PARN: variants seen among roughly 807,000 people sequenced by gnomAD.
PARN encodes the protein poly(A)-specific ribonuclease PARN.
PARN carries 71 observed loss-of-function variants against 102.8 expected under a neutral mutation model. That is an observed-to-expected ratio of 0.69 (90% confidence interval 0.57 to 0.84). The LOEUF is 0.84. PARN is among the 40% of genes least tolerant of loss of function. The pLI is 0.00. For synonymous variants in PARN, 261 were observed against 252.9 expected (o/e 1.03, Z -0.30); for missense variants, 782 against 760.9 (o/e 1.03, Z -0.33).
At chr16:14,596,660 C>A (rs1007748696) in intron 12 of PARN, among the ~76,000 whole-genome samples, 1 of 151,938 alleles carries the variant, frequency 6.6e-6, no homozygotes, top group African/African-American at 2.4e-5. Context: ...GAGGGAGGAT[C>A]GCTTGAGCCC....
chr16:14,538,487 C>T (rs1249892078), intron 21 of PARN, among the ~76,000 whole-genome samples: 1 of 152,146 alleles, frequency 6.6e-6, no homozygotes, highest in Non-Finnish European at 1.5e-5. Context: ...TCCCAAAGTG[C>T]TGGGATTACA....
chr16:14,589,356 G>A (rs1426715675), intron 13 of PARN, among the ~76,000 whole-genome samples: 1 of 151,676 alleles, frequency 6.6e-6, no homozygotes, highest in Non-Finnish European at 1.5e-5. Flanking sequence ...TTGAACGCAG[G>A]AGTTCGAGAG....
intron 22 of PARN, among the ~76,000 whole-genome samples, chr16:14,477,439 CAA>C (rs796238081): frequency 3.9e-5 from 4 of 102,620 alleles, no homozygotes; most frequent in Admixed American, 1.1e-4. Flanking sequence ...GAGTTCGTCT[CAA>C]AAAAAAAAAA....
At chr16:14,488,980 T>C (rs1963896997) in intron 21 of PARN, among the ~76,000 whole-genome samples, 1 of 152,086 alleles carries the variant, frequency 6.6e-6, no homozygotes, top group African/African-American at 2.4e-5. Context: ...AAATGGAATA[T>C]TGTCTAAGAG....
chr16:14,436,442 C>A lies in PARN; in HGVS notation c.*275G>T, dbSNP rs1391849054. 2 of 501,590 alleles carry A rather than the reference C, an allele frequency of 4.0e-6. No homozygotes were observed. The highest frequency in any genetic ancestry group is 7.1e-6 in the Non-Finnish European group (2 of 282,338). 31.1% of individuals were successfully genotyped at this position (501,590 alleles called of 1,614,324 possible). On this transcript the variant is annotated 3_prime_UTR_variant, in exon 24 of 24. Coordinates refer to ENST00000437198, the MANE Select transcript of PARN (RefSeq NM_002582.4). Reference sequence around the variant, plus strand: ...CTGGGTCATGACAGGAAAGGCCTCACAAGAGCAACACGGAATTCACTGGTT... The same window carrying A: ...CTGGGTCATGACAGGAAAGGCCTCAAAAGAGCAACACGGAATTCACTGGTT...
chr16:14,519,003 A>T (rs1421203505), intron 21 of PARN, among the ~76,000 whole-genome samples: 1 of 152,006 alleles, frequency 6.6e-6, no homozygotes, highest in Non-Finnish European at 1.5e-5. Context: ...TCGATTATTA[A>T]ATCGGTGGCG....
Position 14,555,647 on chromosome 16 carries a change from T to C in PARN, c.1318+7A>G. 7.6e-7 allele frequency: 1 copy of C among 1,323,292 alleles called. No individual in the cohort carries two copies. 82.0% of individuals were successfully genotyped at this position (1,323,292 alleles called of 1,614,324 possible). On this transcript the variant is annotated splice_region_variant and intron_variant, in intron 19 of 23. Transcript: ENST00000437198. Reference sequence around the variant, plus strand: ...CAGATGCAATAAGAAAATAAAAATTTACTTACAGTCTGGTCCTTCCAAGTT... The same window carrying C: ...CAGATGCAATAAGAAAATAAAAATTCACTTACAGTCTGGTCCTTCCAAGTT...
intron 18 of PARN, among the ~76,000 whole-genome samples, chr16:14,566,971 T>C (rs1314959708): frequency 6.6e-6 from 1 of 152,222 alleles, no homozygotes. Flanking sequence ...GTCCCTTCCC[T>C]GAAGTAGCAC....
At chr16:14,528,397 C>T (rs189622657) in intron 21 of PARN, among the ~76,000 whole-genome samples, 22 of 152,308 alleles carry the variant, frequency 1.4e-4, no homozygotes, top group Admixed American at 1.2e-3. Flanking sequence ...ATTCTGGCAG[C>T]AGGTTTTGTC....
At position 14,612,559 on chromosome 16, in the gene PARN, G is replaced by A. The variant is rs542211171; in HGVS notation, c.389-1750C>T. ...AAAAATAGGTATCGGGGTCCAAGGA[G>A]TGAAAATCAAAAGCTACCTTTTGGA... On this transcript the variant is annotated intron_variant, in intron 6 of 23. Coordinates refer to ENST00000437198, the MANE Select transcript of PARN (RefSeq NM_002582.4). 3.9e-5 allele frequency among the ~76,000 whole-genome samples: 6 copies of A among 152,298 alleles called. No homozygotes were observed. The East Asian group carries it at 9.7e-4, about 25-fold the overall frequency.
intron 2 of PARN, among the ~76,000 whole-genome samples, chr16:14,628,671 G>C (rs1418464519): frequency 6.6e-6 from 1 of 152,172 alleles, no homozygotes; most frequent in Non-Finnish European, 1.5e-5. Flanking sequence ...GTATCTTCAA[G>C]ATTAAGAGAA....
At chr16:14,579,090 G>A (rs763151699) in intron 18 of PARN, among the ~76,000 whole-genome samples, 11 of 151,822 alleles carry the variant, frequency 7.2e-5, no homozygotes, top group South Asian at 2.1e-4. Context: ...GGTTTCAAGC[G>A]ATTCTCCTGC....
intron 22 of PARN, among the ~76,000 whole-genome samples, chr16:14,458,840 G>A (rs1961814780): frequency 6.6e-6 from 1 of 152,144 alleles, no homozygotes. Flanking sequence ...TGGAGAAAGC[G>A]ATCTCCGCAG....
At position 14,584,215 on chromosome 16, in the gene PARN, T is replaced by C; in HGVS notation, c.1081+132A>G. The C allele has an allele frequency of 5.1e-6, 3 of 593,904 alleles. No homozygotes were observed. In the South Asian group the frequency reaches 6.8e-5, roughly 13 times the overall value. 36.8% of individuals were successfully genotyped at this position (593,904 alleles called of 1,614,324 possible). On this transcript the variant is annotated intron_variant, in intron 16 of 23. Coordinates refer to ENST00000437198, the MANE Select transcript of PARN (RefSeq NM_002582.4). ...CAAAAAACAATAATTCAACACACGG[T>C]ACGTGCAAGTGAATTCAGCCAAAAT...
chr16:14,610,957 G>C (rs372217689), intron 6 of PARN, 148 bp from the exon 7 acceptor site: 14 of 620,290 alleles, frequency 2.3e-5, no homozygotes, highest in African/African-American at 1.5e-4. Context: ...AAATGATTTT[G>C]AAATGTGTTT....
chr16:14,591,298 G>C (rs545040246), intron 13 of PARN, among the ~76,000 whole-genome samples: 1 of 151,938 alleles, frequency 6.6e-6, no homozygotes, highest in South Asian at 2.1e-4. Context: ...GGCTGAGGCC[G>C]GGGAAACACT....
intron 6 of PARN, among the ~76,000 whole-genome samples, chr16:14,611,986 C>A (rs1971544217): frequency 6.6e-6 from 1 of 152,178 alleles, no homozygotes; most frequent in South Asian, 2.1e-4. Flanking sequence ...TGTAGTCCAA[C>A]AAATCTTATT....
intron 20 of PARN, 34 bp from the exon 21 acceptor site, chr16:14,552,129 T>C (rs1458243541): frequency 7.3e-7 from 1 of 1,362,070 alleles, no homozygotes; most frequent in Non-Finnish European, 1.0e-6. Flanking sequence ...AGTGAACATT[T>C]GACCATGTGG....
At chr16:14,535,150 G>A (rs1966557788) in intron 21 of PARN, among the ~76,000 whole-genome samples, 1 of 152,094 alleles carries the variant, frequency 6.6e-6, no homozygotes, top group Admixed American at 6.6e-5. Context: ...ACTATTTTAA[G>A]TCATGTTTAC....
Sources: gnomAD v4.1 joint callset for allele counts (sites outside exome capture counted in the v4.1 genomes callset) on GRCh38, gnomAD v4.1.1 for gene constraint, MANE v1.5 for transcripts, NCBI Gene and HGNC (gene_info 2026-07-23, HGNC 2026-07-21) for gene names.